Variants in PCGF3 observed in about 807,000 individuals in gnomAD.
PCGF3 encodes polycomb group ring finger 3.
In PCGF3, 7 loss-of-function variants were observed where a neutral mutation model predicts 33.1. That is an observed-to-expected ratio of 0.21 (90% confidence interval 0.12 to 0.40). The LOEUF is 0.40. Among genes scored for constraint, PCGF3 ranks in the 10% least tolerant of loss-of-function variants. The pLI is 1.00. For missense variants in PCGF3, 211 were observed against 313.3 expected (o/e 0.67, Z 2.46); for synonymous variants, 153 against 121.3 (o/e 1.26, Z -1.72).
chr4:730,350 G>A (rs1464076062), intron 1 of PCGF3, among the ~76,000 whole-genome samples: 1 of 152,116 alleles, frequency 6.6e-6, no homozygotes, highest in African/African-American at 2.4e-5. Flanking sequence ...GCCCAAAACA[G>A]CATGATGGGG....
At chr4:734,285 G>A in intron 4 of PCGF3, 1 of 1,461,768 alleles carries the variant, frequency 6.8e-7, no homozygotes, top group East Asian at 2.5e-5. Context: ...TCAGGCTGAG[G>A]CTCGGCTCTT....
At chr4:717,503 C>T (rs1459596970) in intron 1 of PCGF3, among the ~76,000 whole-genome samples, 1 of 152,196 alleles carries the variant, frequency 6.6e-6, no homozygotes, top group Non-Finnish European at 1.5e-5. Context: ...TCTCAGCCTC[C>T]TGAGTAGCTG....
intron 6 of PCGF3, among the ~76,000 whole-genome samples, chr4:739,689 C>T (rs893617212): frequency 6.6e-6 from 1 of 152,354 alleles, no homozygotes; most frequent in East Asian, 1.9e-4. Flanking sequence ...CCGGGTGGCA[C>T]TGAGATCTGC....
At chr4:762,068 AG>A in intron 9 of PCGF3, 1 of 985,336 alleles carries the variant, frequency 1.0e-6, no homozygotes, top group Non-Finnish European at 1.2e-6. Context: ...AGGGTGGAGA[AG>A]TGGACAGACT....
chr4:722,990 T>C (rs1376171269), intron 1 of PCGF3, among the ~76,000 whole-genome samples: 1 of 127,238 alleles, frequency 7.9e-6, no homozygotes, highest in South Asian at 2.7e-4. Flanking sequence ...TCATCGCCCG[T>C]CCGTGCCGGG....
At chr4:725,511 G>A (rs920391147) in intron 1 of PCGF3, among the ~76,000 whole-genome samples, 3 of 152,052 alleles carry the variant, frequency 2.0e-5, no homozygotes, top group Admixed American at 6.5e-5. Flanking sequence ...CGGGCTCTGC[G>A]CTGTGGCTCC....
At position 710,282 on chromosome 4, in the gene PCGF3, A is replaced by T. The variant is rs1262849518; in HGVS notation, c.-190+4312A>T. ...TGTGTCACGTGACTGTGGGCTGGAGACCTCAGTTCCTTTCTCTATAGGGCA... is the reference window on the plus strand; with the variant it reads ...TGTGTCACGTGACTGTGGGCTGGAGTCCTCAGTTCCTTTCTCTATAGGGCA... On this transcript the variant is annotated intron_variant, in intron 1 of 10. Coordinates refer to ENST00000362003, the Ensembl canonical transcript of PCGF3. Among the ~76,000 whole-genome samples, 10 of 152,188 alleles carry T rather than the reference A, an allele frequency of 6.6e-5. No homozygotes were observed. The East Asian group carries it at 1.9e-3, about 29-fold the overall frequency.
At chr4:752,502 C>T (rs1322957633) in intron 8 of PCGF3, among the ~76,000 whole-genome samples, 1 of 152,220 alleles carries the variant, frequency 6.6e-6, no homozygotes, top group African/African-American at 2.4e-5. Flanking sequence ...CCAGCTGCTG[C>T]TTCCAGAGCC....
chr4:724,206 C>T (rs1038159340), intron 1 of PCGF3, among the ~76,000 whole-genome samples: 3 of 152,146 alleles, frequency 2.0e-5, no homozygotes, highest in Non-Finnish European at 4.4e-5. Context: ...GGGACGAGAG[C>T]GAAGAGGTGG....
intron 1 of PCGF3, among the ~76,000 whole-genome samples, chr4:729,127 A>C (rs1479439088): frequency 6.6e-5 from 9 of 137,014 alleles, no homozygotes; most frequent in African/African-American, 2.3e-4. Context: ...AAAAAAAAAA[A>C]AACTGGGCTG....
At chr4:742,871 C>T (rs1744154154) in intron 6 of PCGF3, among the ~76,000 whole-genome samples, 1 of 152,232 alleles carries the variant, frequency 6.6e-6, no homozygotes, top group South Asian at 2.1e-4. Context: ...GCAGCCCTCC[C>T]TGCAGGCTGT....
chr4:728,799 A>G (rs1743432669), intron 1 of PCGF3, among the ~76,000 whole-genome samples: 1 of 152,144 alleles, frequency 6.6e-6, no homozygotes, highest in Non-Finnish European at 1.5e-5. Flanking sequence ...ATTAAATACA[A>G]TTAAAAATTC....
At chr4:752,521 C>T (rs928559969) in intron 8 of PCGF3, among the ~76,000 whole-genome samples, 2 of 152,174 alleles carry the variant, frequency 1.3e-5, no homozygotes, top group South Asian at 2.1e-4. Flanking sequence ...CCTGGCTTTG[C>T]GTGGGCATCC....
At chr4:754,777 G>A (rs561607519) in intron 8 of PCGF3, among the ~76,000 whole-genome samples, 139 of 152,316 alleles carry the variant, frequency 9.1e-4, no homozygotes, top group Non-Finnish European at 1.6e-3. Flanking sequence ...GCCACTTAGC[G>A]CAGCTGCTCT....
At chr4:713,578 C>T (rs1742677950) in intron 1 of PCGF3, among the ~76,000 whole-genome samples, 1 of 118,964 alleles carries the variant, frequency 8.4e-6, no homozygotes, top group African/African-American at 2.9e-5. Flanking sequence ...TCCTGTGTGG[C>T]CTCGTGGGGG....
intron 8 of PCGF3, among the ~76,000 whole-genome samples, chr4:751,082 C>T (rs1390256852): frequency 3.9e-5 from 6 of 151,994 alleles, no homozygotes; most frequent in Admixed American, 2.0e-4. Context: ...GGCTTGGATC[C>T]GGTTTTGGTG....
At chr4:742,586 A>C (rs1744142189) in intron 6 of PCGF3, among the ~76,000 whole-genome samples, 1 of 152,152 alleles carries the variant, frequency 6.6e-6, no homozygotes, top group Non-Finnish European at 1.5e-5. Context: ...GTGTGAACTA[A>C]GGTCACCCTT....
chr4:735,140 G>A (rs914444061), intron 5 of PCGF3, 113 bp downstream of exon 5: 17 of 1,234,724 alleles, frequency 1.4e-5, no homozygotes, highest in South Asian at 1.0e-4. Context: ...CTTGGCAGCA[G>A]CCTCTCCTGA....
chr4:769,036 G>GT (rs1222497849), exon 11 of PCGF3: 1 of 152,620 alleles, frequency 6.6e-6, no homozygotes, highest in African/African-American at 2.4e-5. Context: ...TGTTATTATT[G>GT]TGAGAATGCT....
Sources: allele counts gnomAD v4.1 joint callset (sites outside exome capture counted in the v4.1 genomes callset), GRCh38; gene constraint gnomAD v4.1.1; transcripts MANE v1.5; gene names NCBI Gene and HGNC (gene_info 2026-07-23, HGNC 2026-07-21).